IGF2BP2: variants seen among roughly 807,000 people sequenced by gnomAD.
IGF2BP2 encodes the protein insulin-like growth factor 2 mRNA-binding protein 2.
A neutral mutation model predicts 75.8 loss-of-function variants in IGF2BP2; 17 were observed. That is an observed-to-expected ratio of 0.22 (90% CI 0.15 to 0.34). The LOEUF (loss-of-function observed/expected upper bound fraction) is 0.34, where lower values mean the gene tolerates loss of function less well. Ranked by LOEUF, IGF2BP2 falls within the 10% of genes least tolerant of loss-of-function variation. The pLI is 1.00. For missense variants in IGF2BP2, 516 were observed against 772.4 expected (o/e 0.67, Z 3.93); for synonymous variants, 288 against 295.6 (o/e 0.97, Z 0.26).
At chr3:185,811,977 A>T in intron 2 of IGF2BP2, among the ~76,000 whole-genome samples, 1 of 152,054 alleles carries the variant, frequency 6.6e-6, no homozygotes, top group Admixed American at 6.6e-5. Context: ...GTCCTTGGCC[A>T]TAGGGGAAGA....
rs148493977 is a variant in IGF2BP2 at position 185,674,001 on chromosome 3, A to C, written c.1071+1295T>G. ...ATATATCCAAACATGGGGAGAAGAC[A>C]CCACTGCAGTCTCCTGCTCTAGCTC... On this transcript the variant is annotated intron_variant, in intron 9 of 15. Transcript: ENST00000382199. Among the ~76,000 whole-genome samples, 593 of 152,342 alleles carry C rather than the reference A, an allele frequency of 3.9e-3. 2 individuals are homozygous for C. The highest frequency in any genetic ancestry group is 0.013 in the African/African-American group (557 of 41,568).
chr3:185,675,505 C>T, intron 8 of IGF2BP2, 74 bp from the exon 9 acceptor site: 2 of 1,552,316 alleles, frequency 1.3e-6, no homozygotes, highest in Non-Finnish European at 1.8e-6. Context: ...AAAAAAATCA[C>T]AAACAAGTTT....
chr3:185,787,428 T>G (rs539895685), intron 2 of IGF2BP2, among the ~76,000 whole-genome samples: 2 of 152,254 alleles, frequency 1.3e-5, no homozygotes, highest in South Asian at 2.1e-4. Flanking sequence ...ACTGAAGAAT[T>G]TGAGGCTAAA....
At chr3:185,711,901 A>G (rs1228399334) in intron 2 of IGF2BP2, among the ~76,000 whole-genome samples, 1 of 152,144 alleles carries the variant, frequency 6.6e-6, no homozygotes, top group East Asian at 1.9e-4. Context: ...GGCTTTCATC[A>G]AGCCCCAGGA....
rs1713853882 is a variant in IGF2BP2 at position 185,647,818 on chromosome 3, C to T, written c.1594-680G>A. Among the ~76,000 whole-genome samples the T allele has an allele frequency of 6.6e-6, 1 of 152,228 alleles. No individual in the cohort carries two copies. ...CTGCACGCTTCCTGAGGGCTCAGAC[C>T]CCGTCCTCTGGCCCTCTGGCCTGAT... On this transcript the variant is annotated intron_variant, in intron 14 of 15. Coordinates refer to ENST00000382199, the MANE Select transcript of IGF2BP2 (RefSeq NM_006548.6). This position sits in a 1 kb window ranked among gnomAD's most constrained non-coding sequence, Gnocchi z 4.9.
Position 185,805,177 on chromosome 3 carries a change from C to T in IGF2BP2, c.239+17976G>A, listed in dbSNP as rs143117311. ...CTGGCCCAGAAGTATTTCTGAAAATCCAGTAAACACAGGTTTTACTGGATT... is the reference window on the plus strand; with the variant it reads ...CTGGCCCAGAAGTATTTCTGAAAATTCAGTAAACACAGGTTTTACTGGATT... On this transcript the variant is annotated intron_variant, in intron 2 of 15. Transcript: ENST00000382199. 1.5e-4 allele frequency among the ~76,000 whole-genome samples: 23 copies of T among 152,044 alleles called. 1 individual carries two copies. Among genetic ancestry groups the T allele is most frequent in the African/African-American group, 5.6e-4 (23 of 41,436 alleles).
intron 10 of IGF2BP2, among the ~76,000 whole-genome samples, chr3:185,667,377 G>A (rs1717808151): frequency 6.6e-6 from 1 of 152,184 alleles, no homozygotes; most frequent in South Asian, 2.1e-4. Context: ...TGAGGAGGCT[G>A]AGGTGGGAGG....
intron 2 of IGF2BP2, among the ~76,000 whole-genome samples, chr3:185,785,016 G>GC (rs1735675736): frequency 6.6e-6 from 1 of 151,992 alleles, no homozygotes; most frequent in African/African-American, 2.4e-5. Context: ...AACAGCTGAC[G>GC]TGGGACAGGC....
Position 185,658,413 on chromosome 3 carries a change from C to A in IGF2BP2, c.1201-4G>T. The stretch of plus-strand genomic sequence containing the variant: ...TGGAGAAGTATCCGGAGTGGGTCTG[C>A]AGCATGAGAGAAAGAGTCAGTGGGC... On this transcript the variant is annotated splice_region_variant and splice_polypyrimidine_tract_variant and intron_variant, in intron 10 of 15. Transcript: ENST00000382199. 1 of 1,613,114 alleles carries A rather than the reference C, an allele frequency of 6.2e-7. No individual in the cohort carries two copies. Among genetic ancestry groups the A allele is most frequent in the African/African-American group, 1.3e-5 (1 of 75,022 alleles).
At chr3:185,749,183 GA>G (rs573061751) in intron 2 of IGF2BP2, among the ~76,000 whole-genome samples, 11 of 151,326 alleles carry the variant, frequency 7.3e-5, no homozygotes, top group Non-Finnish European at 1.2e-4. Flanking sequence ...AGAAAAAAAA[GA>G]AAAAAAAATT....
chr3:185,668,481 T>C (rs1204894406), intron 10 of IGF2BP2, among the ~76,000 whole-genome samples: 2 of 142,990 alleles, frequency 1.4e-5, no homozygotes, highest in Non-Finnish European at 3.0e-5. Context: ...CAAAAGTTCA[T>C]TTGTTCGAGA....
At chr3:185,658,498 G>A in intron 10 of IGF2BP2, 89 bp from the exon 11 acceptor site, 1 of 1,040,272 alleles carries the variant, frequency 9.6e-7, no homozygotes, top group Non-Finnish European at 1.5e-6. Context: ...ATGCGACACA[G>A]GCTCTCTGTG....
intron 13 of IGF2BP2, among the ~76,000 whole-genome samples, chr3:185,650,175 C>T (rs1213629270): frequency 6.6e-6 from 1 of 151,382 alleles, no homozygotes; most frequent in Non-Finnish European, 1.5e-5. Flanking sequence ...CCACCTTGGC[C>T]TCCCAAAATG....
intron 2 of IGF2BP2, among the ~76,000 whole-genome samples, chr3:185,700,920 T>C (rs1208353723): frequency 2.0e-5 from 3 of 152,158 alleles, no homozygotes; most frequent in Admixed American, 6.6e-5. Flanking sequence ...CTCCAAGGTA[T>C]GCTGTTACAA....
intron 7 of IGF2BP2, among the ~76,000 whole-genome samples, chr3:185,683,365 G>C (rs1417728428): frequency 1.3e-5 from 2 of 152,118 alleles, no homozygotes; most frequent in Non-Finnish European, 2.9e-5. Flanking sequence ...ACAGCAATGT[G>C]AATATACTTA....
At chr3:185,711,835 T>C (rs1441293517) in intron 2 of IGF2BP2, among the ~76,000 whole-genome samples, 1 of 152,214 alleles carries the variant, frequency 6.6e-6, no homozygotes, top group East Asian at 1.9e-4. Context: ...TCTCCTTTGC[T>C]GTTCACAGGG....
intron 10 of IGF2BP2, among the ~76,000 whole-genome samples, chr3:185,659,353 T>C (rs1164139128): frequency 6.6e-6 from 1 of 152,044 alleles, no homozygotes; most frequent in African/African-American, 2.4e-5. Flanking sequence ...AAAATAGAAA[T>C]TTAGAAAGTA....
intron 2 of IGF2BP2, chr3:185,728,374 T>C (rs571694286): frequency 6.6e-6 from 1 of 152,386 alleles, no homozygotes; most frequent in East Asian, 1.9e-4. Context: ...GTTAAGTCGC[T>C]CACTCACATG....
rs1292590159 is a variant in IGF2BP2 at position 185,643,769 on chromosome 3, CTTTTTTTTTCTTTTTTTTTTTTT to C, written c.*1739_*1761del. The C allele has an allele frequency of 1.7e-5, 2 of 120,412 alleles. No individual in the cohort carries two copies. The highest frequency in any genetic ancestry group is 6.5e-5 in the African/African-American group (2 of 30,842). 7.5% of individuals were successfully genotyped at this position (120,412 alleles called of 1,614,324 possible). A position where few individuals can be genotyped will look rare whatever the true frequency, so the allele number is the denominator to read the frequency against. ...TTAGCTGGATATATTTCTGTTTTTT[CTTTTTTTTTCTTTTTTTTTTTTT>C]TTTTTTTGTCACAGAACACTGTTTG... On this transcript the variant is annotated 3_prime_UTR_variant, in exon 16 of 16. Transcript: ENST00000382199.
Sources: gnomAD v4.1 joint callset for allele counts (sites outside exome capture counted in the v4.1 genomes callset) on GRCh38, gnomAD v4.1.1 for gene constraint, Gnocchi (gnomAD v3.1) non-coding constraint, MANE v1.5 for transcripts, NCBI Gene and HGNC (gene_info 2026-07-23, HGNC 2026-07-21) for gene names.